Variants in GABPB1 observed in about 807,000 individuals in gnomAD.
GABPB1 encodes the protein GA binding protein transcription factor subunit beta 1, also known as GA-binding protein subunit beta-1.
In GABPB1, 15 loss-of-function variants were observed where a neutral mutation model predicts 45.9. The ratio of observed to expected loss-of-function variants is 0.33; its 90% CI spans 0.22 to 0.50. The LOEUF is 0.50. Among genes scored for constraint, GABPB1 ranks in the 20% least tolerant of loss-of-function variants. The pLI, the probability that GABPB1 is intolerant of heterozygous loss-of-function variation, is 0.98. For synonymous variants in GABPB1, 143 were observed against 154.4 expected (o/e 0.93, Z 0.55); for missense variants, 252 against 457.5 (o/e 0.55, Z 4.10).
At position 50,278,436 on chromosome 15, in the gene GABPB1, A is replaced by T; in HGVS notation, c.*196T>A. ...AAAAAAAAAACTATTTACAGAATTC[A>T]GTTTTAAATACATTTCACAACTTCT... On this transcript the variant is annotated 3_prime_UTR_variant, in exon 9 of 9. Coordinates refer to ENST00000380877, the MANE Select transcript of GABPB1 (RefSeq NM_016654.5). 2.6e-6 allele frequency: 1 copy of T among 388,712 alleles called. No individual in the cohort carries two copies. The highest frequency in any genetic ancestry group is 4.5e-6 in the Non-Finnish European group (1 of 221,478). The allele number at this position is 388,712 out of a possible 1,614,324, so 24.1% of individuals were successfully genotyped here. A position where few individuals can be genotyped will look rare whatever the true frequency, so the allele number is the denominator to read the frequency against.
chr15:50,351,365 CAGA>C (rs1268503281), intron 1 of GABPB1: 2 of 152,284 alleles, frequency 1.3e-5, no homozygotes, highest in African/African-American at 4.8e-5. Context: ...CACTTGAGTC[CAGA>C]AGTTTGAGAC....
Position 50,282,560 on chromosome 15 carries a change from G to GAAAAAAAAAAAAAAAAAAAAAAAAAAAA in GABPB1, c.999+3507_999+3508insTTTTTTTTTTTTTTTTTTTTTTTTTTTT, listed in dbSNP as rs552203074. 1.6e-4 allele frequency among the ~76,000 whole-genome samples: 14 copies of GAAAAAAAAAAAAAAAAAAAAAAAAAAAA among 88,998 alleles called. 1 individual carries two copies. The highest frequency in any genetic ancestry group is 4.4e-4 in the South Asian group (1 of 2,298). The allele number at this position is 88,998 out of a possible 152,430, so 58.4% of individuals were successfully genotyped here. A position where few individuals can be genotyped will look rare whatever the true frequency, so the allele number is the denominator to read the frequency against. ...CAAAGTGAGACCCTGCCTTAAAAAAGAAAAAAAAAAAAAAACAGAGACGGA... is the reference window on the plus strand; with the variant it reads ...CAAAGTGAGACCCTGCCTTAAAAAAGAAAAAAAAAAAAAAAAAAAAAAAAAAAAAAAAAAAAAAAAAAACAGAGACGGA... On this transcript the variant is annotated intron_variant, in intron 8 of 8. Transcript: ENST00000380877.
At chr15:50,319,665 G>A (rs1000089863) in intron 1 of GABPB1, among the ~76,000 whole-genome samples, 3 of 151,836 alleles carry the variant, frequency 2.0e-5, no homozygotes, top group East Asian at 1.9e-4. Context: ...ATGAAACCCC[G>A]TCTCTACTAA....
chr15:50,332,078 T>C (rs573089010), intron 1 of GABPB1, among the ~76,000 whole-genome samples: 179 of 152,188 alleles, frequency 1.2e-3, no homozygotes, highest in African/African-American at 4.2e-3. Context: ...TTTCACCATG[T>C]TGATCATGCT....
At chr15:50,348,901 A>C (rs1205399027) in intron 1 of GABPB1, 1 of 152,072 alleles carries the variant, frequency 6.6e-6, no homozygotes, top group Non-Finnish European at 1.5e-5. Context: ...CAGTATGCTG[A>C]GTATTTTTTA....
chr15:50,343,428 T>C (rs2048454714), intron 1 of GABPB1, among the ~76,000 whole-genome samples: 1 of 152,196 alleles, frequency 6.6e-6, no homozygotes, highest in Non-Finnish European at 1.5e-5. Context: ...GGTTCTGCTG[T>C]CTAGAACTCT....
intron 8 of GABPB1, among the ~76,000 whole-genome samples, chr15:50,279,888 CT>C (rs1290850940): frequency 6.6e-6 from 1 of 152,164 alleles, no homozygotes; most frequent in Non-Finnish European, 1.5e-5. Context: ...ATGAGATTCT[CT>C]TTCTATATAT....
At chr15:50,294,872 C>G (rs986750872) in intron 6 of GABPB1, among the ~76,000 whole-genome samples, 1 of 152,056 alleles carries the variant, frequency 6.6e-6, no homozygotes, top group Non-Finnish European at 1.5e-5. Context: ...TTTGGAAAAA[C>G]CACTTTATTA....
chr15:50,337,418 T>C (rs953602709), intron 1 of GABPB1, among the ~76,000 whole-genome samples: 3 of 152,038 alleles, frequency 2.0e-5, no homozygotes, highest in African/African-American at 7.2e-5. Flanking sequence ...CTTTTACTAG[T>C]AAACTCTCTT....
intron 6 of GABPB1, among the ~76,000 whole-genome samples, chr15:50,290,584 C>T (rs2046312719): frequency 6.7e-6 from 1 of 148,250 alleles, no homozygotes; most frequent in Non-Finnish European, 1.5e-5. Context: ...AAACAAGACC[C>T]TGTCTCAAAA....
intron 1 of GABPB1, chr15:50,354,442 G>A (rs999414464): frequency 1.6e-5 from 7 of 448,420 alleles, no homozygotes; most frequent in Non-Finnish European, 3.1e-5. Context: ...CCGCAGCACA[G>A]GGCGCCCAGG....
chr15:50,283,388 T>C (rs1004732499), intron 8 of GABPB1, among the ~76,000 whole-genome samples: 1 of 152,062 alleles, frequency 6.6e-6, no homozygotes, highest in African/African-American at 2.4e-5. Context: ...TATATTGCCA[T>C]ATGCAGATGT....
chr15:50,282,425 G>C (rs1164367960), intron 8 of GABPB1: 1 of 370,984 alleles, frequency 2.7e-6, no homozygotes, highest in East Asian at 8.5e-5. Context: ...AACTTAGCCG[G>C]GTATAGCGGT....
At chr15:50,287,190 T>G (rs2046192731) in intron 7 of GABPB1, among the ~76,000 whole-genome samples, 1 of 152,182 alleles carries the variant, frequency 6.6e-6, no homozygotes, top group Non-Finnish European at 1.5e-5. Context: ...AACTATATAT[T>G]TTTAATTCAG....
chr15:50,307,461 T>C (rs570168781), intron 2 of GABPB1, among the ~76,000 whole-genome samples: 2 of 152,256 alleles, frequency 1.3e-5, no homozygotes, highest in Admixed American at 6.5e-5. Context: ...TTTCTGTCTT[T>C]GGGAGGCCGA....
chr15:50,292,443 T>C (rs754014834), intron 6 of GABPB1, among the ~76,000 whole-genome samples: 9 of 152,114 alleles, frequency 5.9e-5, no homozygotes, highest in Admixed American at 1.3e-4. Context: ...TATTCAAATG[T>C]TCTCAAAGTA....
intron 5 of GABPB1, 56 bp downstream of exon 5, chr15:50,301,201 T>C: frequency 6.2e-7 from 1 of 1,607,498 alleles, no homozygotes; most frequent in Non-Finnish European, 8.5e-7. Flanking sequence ...CCAAAGCCTA[T>C]CCTATATGCA....
chr15:50,330,342 T>G (rs2047906572), intron 1 of GABPB1, among the ~76,000 whole-genome samples: 1 of 152,180 alleles, frequency 6.6e-6, no homozygotes, highest in Non-Finnish European at 1.5e-5. Flanking sequence ...TGCATAGTAC[T>G]CGGCTATGTG....
intron 1 of GABPB1, among the ~76,000 whole-genome samples, chr15:50,340,710 C>T (rs1008615246): frequency 9.2e-5 from 14 of 151,822 alleles, no homozygotes; most frequent in Admixed American, 2.0e-4. Flanking sequence ...ATATGCATTT[C>T]TCAAACTCCT....
Sources: allele counts gnomAD v4.1 joint callset (sites outside exome capture counted in the v4.1 genomes callset), GRCh38; gene constraint gnomAD v4.1.1; transcripts MANE v1.5; gene names NCBI Gene and HGNC (gene_info 2026-07-23, HGNC 2026-07-21).